NIPBL: variants seen among roughly 807,000 people sequenced by gnomAD.
The protein encoded by NIPBL is nipped-B-like protein.
NIPBL carries 19 observed loss-of-function variants against 321.8 expected under a neutral mutation model. The observed-to-expected ratio is 0.06, with a 90% CI of 0.04 to 0.09. NIPBL has a LOEUF of 0.09. Ranked by LOEUF, NIPBL falls within the 10% of genes least tolerant of loss-of-function variation. The pLI is 1.00. For synonymous variants in NIPBL, 1,106 were observed against 1,114.1 expected (o/e 0.99, Z 0.14); for missense variants, 2,210 against 3,327.0 (o/e 0.66, Z 8.26).
chr5:37,060,837 A>C lies in NIPBL; in HGVS notation c.7686-7A>C. ...TTAAAGTTTTTGGTTTTGTTTTCCC[A>C]AAACAGTAAAATTCAGAAGTACTCT... On this transcript the variant is annotated splice_polypyrimidine_tract_variant and splice_region_variant and intron_variant, in intron 44 of 46. Coordinates refer to ENST00000282516, the MANE Select transcript of NIPBL (RefSeq NM_133433.4). 1 of 1,612,092 alleles carries C rather than the reference A, an allele frequency of 6.2e-7. No homozygotes were observed. The highest frequency in any genetic ancestry group is 8.5e-7 in the Non-Finnish European group (1 of 1,179,224).
chr5:36,914,453 G>T (rs1748301128), intron 1 of NIPBL, among the ~76,000 whole-genome samples: 1 of 150,370 alleles, frequency 6.7e-6, no homozygotes, highest in Non-Finnish European at 1.5e-5. Context: ...TGCCTACGTG[G>T]TGCCACAAGT....
chr5:36,930,025 A>C (rs760760420), intron 1 of NIPBL, among the ~76,000 whole-genome samples: 1 of 151,942 alleles, frequency 6.6e-6, no homozygotes, highest in Non-Finnish European at 1.5e-5. Context: ...AAGTTCTCCA[A>C]CTTTTTTCTT....
intron 1 of NIPBL, among the ~76,000 whole-genome samples, chr5:36,918,048 C>G (rs1466019303): frequency 2.0e-5 from 3 of 152,002 alleles, no homozygotes; most frequent in African/African-American, 7.3e-5. Context: ...TAGTTTTTTC[C>G]AATTCTGTGA....
intron 5 of NIPBL, 30 bp downstream of exon 5, chr5:36,961,613 ATTGTC>A: frequency 8.0e-7 from 1 of 1,249,490 alleles, no homozygotes. Flanking sequence ...TTTATTAAAT[ATTGTC>A]TTGTATGGTG....
At chr5:36,984,630 G>C in intron 9 of NIPBL, 46 bp from the exon 10 acceptor site, 1 of 1,522,204 alleles carries the variant, frequency 6.6e-7, no homozygotes, top group South Asian at 1.2e-5. Flanking sequence ...AATAAGATAA[G>C]AATACATGTC....
intron 1 of NIPBL, among the ~76,000 whole-genome samples, chr5:36,920,114 A>G (rs776885684): frequency 1.3e-5 from 2 of 152,166 alleles, no homozygotes; most frequent in African/African-American, 2.4e-5. Flanking sequence ...AGAGAAATAT[A>G]ACTACATGTT....
intron 14 of NIPBL, among the ~76,000 whole-genome samples, chr5:37,001,281 A>G (rs1366526014): frequency 2.0e-5 from 3 of 152,190 alleles, no homozygotes; most frequent in Non-Finnish European, 2.9e-5. Flanking sequence ...AACTATGATA[A>G]ATACACAAAT....
chr5:36,903,696 T>A (rs1747409286), intron 1 of NIPBL, among the ~76,000 whole-genome samples: 2 of 152,214 alleles, frequency 1.3e-5, no homozygotes, highest in Non-Finnish European at 2.9e-5. Flanking sequence ...AAACTTTGTC[T>A]TCTCTGAATT....
At chr5:36,894,058 T>G (rs1349368578) in intron 1 of NIPBL, among the ~76,000 whole-genome samples, 1 of 152,206 alleles carries the variant, frequency 6.6e-6, no homozygotes, top group African/African-American at 2.4e-5. Flanking sequence ...AAACCATGCC[T>G]ATGTGTTCAC....
chr5:36,902,484 A>G (rs1747308195), intron 1 of NIPBL, among the ~76,000 whole-genome samples: 1 of 152,200 alleles, frequency 6.6e-6, no homozygotes, highest in Admixed American at 6.5e-5. Context: ...ATGGTTAGCC[A>G]GTTATTATTG....
intron 1 of NIPBL, chr5:36,885,481 C>G: frequency 2.0e-6 from 1 of 491,668 alleles, no homozygotes; most frequent in Non-Finnish European, 4.0e-6. Flanking sequence ...ACCTGGCCTC[C>G]TACCTGGACA....
At chr5:36,909,622 C>T (rs1008673387) in intron 1 of NIPBL, among the ~76,000 whole-genome samples, 17 of 152,002 alleles carry the variant, frequency 1.1e-4, no homozygotes, top group African/African-American at 3.1e-4. Flanking sequence ...AAAAAAAGAA[C>T]GAAATAACCA....
intron 16 of NIPBL, among the ~76,000 whole-genome samples, chr5:37,005,576 G>T (rs1188376902): frequency 6.6e-6 from 1 of 152,128 alleles, no homozygotes; most frequent in Admixed American, 6.5e-5. Flanking sequence ...TCTTTCCTTT[G>T]TGAGGTTTTA....
intron 32 of NIPBL, among the ~76,000 whole-genome samples, chr5:37,031,743 A>G (rs1751046707): frequency 6.6e-6 from 1 of 152,226 alleles, no homozygotes; most frequent in African/African-American, 2.4e-5. Context: ...TGACAATCCC[A>G]TGCAATTTAA....
intron 1 of NIPBL, among the ~76,000 whole-genome samples, chr5:36,940,083 T>C (rs936528464): frequency 6.6e-6 from 1 of 152,204 alleles, no homozygotes; most frequent in African/African-American, 2.4e-5. Context: ...ATTTTTCCTT[T>C]AAAGTTTATT....
At chr5:36,932,964 C>T (rs1749894247) in intron 1 of NIPBL, among the ~76,000 whole-genome samples, 1 of 151,612 alleles carries the variant, frequency 6.6e-6, no homozygotes, top group South Asian at 2.1e-4. Flanking sequence ...CATTGGAGTA[C>T]AGGTGTACGC....
intron 1 of NIPBL, among the ~76,000 whole-genome samples, chr5:36,934,891 AAAG>A (rs1750042011): frequency 6.6e-6 from 1 of 152,168 alleles, no homozygotes; most frequent in African/African-American, 2.4e-5. Flanking sequence ...AAGGTACAAG[AAAG>A]AAGATTGAGT....
At chr5:36,880,745 C>T (rs1412857183) in intron 1 of NIPBL, among the ~76,000 whole-genome samples, 1 of 151,968 alleles carries the variant, frequency 6.6e-6, no homozygotes, top group Non-Finnish European at 1.5e-5. Context: ...GTTTTTTCAG[C>T]AGTTGTCATT....
chr5:36,947,586 C>T (rs767427279), intron 1 of NIPBL, among the ~76,000 whole-genome samples: 6 of 151,988 alleles, frequency 3.9e-5, no homozygotes, highest in Non-Finnish European at 7.4e-5. Flanking sequence ...TCTTTAGCAC[C>T]TAGCTCAGTA....
Sources: gnomAD v4.1 joint callset for allele counts (sites outside exome capture counted in the v4.1 genomes callset) on GRCh38, gnomAD v4.1.1 for gene constraint, MANE v1.5 for transcripts, NCBI Gene and HGNC (gene_info 2026-07-23, HGNC 2026-07-21) for gene names.